The following UGT1A8 variants were observed in gnomAD, a reference collection of about 807,000 sequenced individuals.
UGT1A8 encodes UDP glucuronosyltransferase family 1 member A8, also known as UDP-glucuronosyltransferase 1A8.
Under a neutral mutation model 45.3 loss-of-function variants are expected in UGT1A8, and 39 were observed. The ratio of observed to expected loss-of-function variants is 0.86; its 90% confidence interval spans 0.67 to 1.12. The LOEUF is 1.12. UGT1A8 is among the 50% of genes most tolerant of loss of function. The pLI is 0.00. For missense variants in UGT1A8, 719 were observed against 664.9 expected, an observed-to-expected ratio of 1.08 and a Z score of -0.90; for synonymous variants, 275 against 249.2, an observed-to-expected ratio of 1.10 and a Z score of -0.97.
chr2:233,724,866 G>A (rs1361964524), intron 1 of UGT1A8, among the ~76,000 whole-genome samples: 1 of 128,896 alleles, frequency 7.8e-6, no homozygotes, highest in Non-Finnish European at 1.6e-5. Flanking sequence ...GGTGTAGGTT[G>A]TAGTGAGCGG....
intron 1 of UGT1A8, among the ~76,000 whole-genome samples, chr2:233,742,411 A>G (rs566737557): frequency 5.3e-5 from 8 of 152,078 alleles, no homozygotes; most frequent in Non-Finnish European, 8.8e-5. Flanking sequence ...TAGTTTAGGA[A>G]CACCTTAAGC....
rs1201531299 is a variant in UGT1A8 at position 233,692,745 on chromosome 2, C to A, written c.855+74183C>A. 4 of 1,064,978 alleles carry A rather than the reference C, an allele frequency of 3.8e-6. No homozygotes were observed. In the African/African-American group the frequency reaches 4.9e-5, roughly 13 times the overall value. The allele number at this position is 1,064,978 out of a possible 1,614,324, so 66.0% of individuals were successfully genotyped here. On this transcript the variant is annotated intron_variant, in intron 1 of 4. Transcript: ENST00000373450. ...CTATAACTTTTCAGAGAGGGAGAAGCAGACTTGTGGAGCTGAAGAGAAACA... is the reference window on the plus strand; with the variant it reads ...CTATAACTTTTCAGAGAGGGAGAAGAAGACTTGTGGAGCTGAAGAGAAACA...
intron 1 of UGT1A8, chr2:233,672,848 A>T: frequency 6.5e-7 from 1 of 1,549,388 alleles, no homozygotes; most frequent in African/African-American, 1.4e-5. Context: ...TTAAAAAAGG[A>T]TTCTTTACTG....
At chr2:233,705,566 A>C (rs968273952) in intron 1 of UGT1A8, among the ~76,000 whole-genome samples, 1 of 152,172 alleles carries the variant, frequency 6.6e-6, no homozygotes, top group Non-Finnish European at 1.5e-5. Context: ...GCTTGTGGCA[A>C]GGGATAGAAA....
Position 233,772,327 on chromosome 2 carries a change from T to A in UGT1A8, c.1361T>A (p.Leu454Gln), listed in dbSNP as rs527798161. The A allele has an allele frequency of 6.2e-7, 1 of 1,614,262 alleles. No homozygotes were observed. The highest frequency in any genetic ancestry group is 1.3e-5 in the African/African-American group (1 of 75,072). The change falls in exon 5 of 5, where the codon CTG becomes CAG. Residue 454 changes from leucine to glutamine, a missense_variant. Leu to Gln is a moderately radical substitution (Grantham distance 113, BLOSUM62 -2). Transcript: ENST00000373450. ...HKDRPVEPLD[L>Q]AVFWVEFVMR... ...GACCGCCCGGTGGAGCCGCTGGACC[T>A]GGCCGTGTTCTGGGTGGAGTTTGTG...
intron 1 of UGT1A8, among the ~76,000 whole-genome samples, chr2:233,657,926 T>A (rs2073891193): frequency 6.6e-6 from 1 of 152,118 alleles, no homozygotes; most frequent in African/African-American, 2.4e-5. Context: ...CTTTTTTCCA[T>A]GAAACTTTTT....
chr2:233,637,741 A>G (rs190798744), intron 1 of UGT1A8, among the ~76,000 whole-genome samples: 2 of 152,282 alleles, frequency 1.3e-5, no homozygotes, highest in South Asian at 2.1e-4. Flanking sequence ...TCATTGAAAA[A>G]AAGTATTTTA....
chr2:233,688,178 A>C (rs2074881066), intron 1 of UGT1A8, among the ~76,000 whole-genome samples: 1 of 152,218 alleles, frequency 6.6e-6, no homozygotes. Flanking sequence ...TGGAAATGGA[A>C]GCCTTTATGA....
intron 1 of UGT1A8, among the ~76,000 whole-genome samples, chr2:233,651,531 A>G (rs554833690): frequency 6.6e-6 from 1 of 152,338 alleles, no homozygotes; most frequent in East Asian, 1.9e-4. Context: ...ATAATAAAGG[A>G]AGGAAAATTC....
chr2:233,657,585 C>A (rs560284997), intron 1 of UGT1A8, among the ~76,000 whole-genome samples: 24 of 152,290 alleles, frequency 1.6e-4, no homozygotes, highest in African/African-American at 5.8e-4. Flanking sequence ...ACCCAGATAC[C>A]TCCCACTAAG....
chr2:233,640,635 G>A (rs977220266), intron 1 of UGT1A8, among the ~76,000 whole-genome samples: 2 of 152,094 alleles, frequency 1.3e-5, no homozygotes. Context: ...AAATGGGAGA[G>A]AACAGTCTCT....
At position 233,769,612 on chromosome 2, in the gene UGT1A8, G is replaced by A. The variant is rs1699905681; in HGVS notation, c.1295+1173G>A. ...GGAGACGGAACACGGGGACACACCA[G>A]CTTGAGCAAGGGACAACAGGGGAGG... On this transcript the variant is annotated intron_variant, in intron 4 of 4. Transcript: ENST00000373450. This position sits in a 1 kb window ranked among gnomAD's most constrained non-coding sequence, Gnocchi z 4.4. 1 of 1,612,734 alleles carries A rather than the reference G, an allele frequency of 6.2e-7. No homozygotes were observed. The highest frequency in any genetic ancestry group is 8.5e-7 in the Non-Finnish European group (1 of 1,179,852).
intron 1 of UGT1A8, among the ~76,000 whole-genome samples, chr2:233,704,963 C>T (rs2075815360): frequency 6.6e-6 from 1 of 152,064 alleles, no homozygotes; most frequent in South Asian, 2.1e-4. Flanking sequence ...TGGTGAAACC[C>T]CATCTCTACT....
At chr2:233,716,595 T>G (rs185923790) in intron 1 of UGT1A8, among the ~76,000 whole-genome samples, 46 of 152,352 alleles carry the variant, frequency 3.0e-4, no homozygotes, top group African/African-American at 1.1e-3. Context: ...GAGCAAAAAT[T>G]TTAGAATTTG....
At chr2:233,646,620 CTT>C (rs144425023) in intron 1 of UGT1A8, among the ~76,000 whole-genome samples, 16,333 of 152,248 alleles carry the variant, frequency 0.11, 1,209 homozygotes, top group Middle Eastern at 0.19. Flanking sequence ...CTGCCAGTCT[CTT>C]TGCTAAAACA....
intron 1 of UGT1A8, among the ~76,000 whole-genome samples, chr2:233,659,417 C>T (rs1428226736): frequency 6.6e-6 from 1 of 151,992 alleles, no homozygotes; most frequent in Non-Finnish European, 1.5e-5. Flanking sequence ...GTAATAAAGT[C>T]AGCTAGATAA....
intron 1 of UGT1A8, among the ~76,000 whole-genome samples, chr2:233,759,577 C>A (rs970785241): frequency 2.6e-5 from 4 of 151,886 alleles, no homozygotes; most frequent in Admixed American, 2.6e-4. Flanking sequence ...CATTCTCTAC[C>A]CCAGCACGCC....
chr2:233,756,907 T>G (rs1416873228), intron 1 of UGT1A8, among the ~76,000 whole-genome samples: 2 of 152,072 alleles, frequency 1.3e-5, no homozygotes, highest in Admixed American at 6.5e-5. Flanking sequence ...CAGAACAAAC[T>G]TCTGAGTTTA....
intron 1 of UGT1A8, among the ~76,000 whole-genome samples, chr2:233,619,775 AT>A (rs2072967486): frequency 6.6e-6 from 1 of 152,084 alleles, no homozygotes; most frequent in Admixed American, 6.5e-5. Flanking sequence ...TTTTCTTATT[AT>A]TTTGTAGTAT....
Sources: gnomAD v4.1 joint callset for allele counts (sites outside exome capture counted in the v4.1 genomes callset) on GRCh38, gnomAD v4.1.1 for gene constraint, Gnocchi (gnomAD v3.1) non-coding constraint, MANE v1.5 for transcripts, NCBI Gene and HGNC (gene_info 2026-07-23, HGNC 2026-07-21) for gene names.